HS3ST4: variants seen among roughly 807,000 people sequenced by gnomAD.
The protein encoded by HS3ST4 is heparan sulfate glucosamine 3-O-sulfotransferase 4.
In HS3ST4, 17 loss-of-function variants were observed where a neutral mutation model predicts 29.2. The ratio of observed to expected loss-of-function variants is 0.58; its 90% CI spans 0.40 to 0.87. HS3ST4 has a LOEUF of 0.87. Among genes scored for constraint, HS3ST4 ranks in the 40% least tolerant of loss-of-function variants. The probability of loss-of-function intolerance (pLI) is 0.00; values close to 1 mark genes in which losing one functional copy is unlikely to be tolerated. For synonymous variants in HS3ST4, 314 were observed against 285.7 expected (o/e 1.10, Z -1.00); for missense variants, 627 against 634.5 (o/e 0.99, Z 0.13).
intron 1 of HS3ST4, among the ~76,000 whole-genome samples, chr16:25,974,129 C>A (rs1968921362): frequency 6.6e-6 from 1 of 152,186 alleles, no homozygotes; most frequent in Admixed American, 6.5e-5. Flanking sequence ...TATACATTAT[C>A]CCTAGTTCTT....
chr16:25,790,610 G>A (rs1966867147), intron 1 of HS3ST4, among the ~76,000 whole-genome samples: 2 of 151,962 alleles, frequency 1.3e-5, no homozygotes, highest in South Asian at 4.2e-4. Context: ...ATATCATGTG[G>A]TTTTAATTTG....
intron 1 of HS3ST4, among the ~76,000 whole-genome samples, chr16:25,734,339 T>A (rs551334274): frequency 6.6e-6 from 1 of 152,138 alleles, no homozygotes; most frequent in Admixed American, 6.6e-5. Flanking sequence ...TCTGTACAGG[T>A]CTTCCAGCTT....
chr16:25,781,276 C>T (rs576789792), intron 1 of HS3ST4, among the ~76,000 whole-genome samples: 1 of 152,184 alleles, frequency 6.6e-6, no homozygotes, highest in African/African-American at 2.4e-5. Context: ...AAAGTAGGCT[C>T]TTTTGCTCAT....
chr16:25,989,968 T>C (rs1969100342), intron 1 of HS3ST4, among the ~76,000 whole-genome samples: 3 of 152,236 alleles, frequency 2.0e-5, no homozygotes, highest in Admixed American at 2.0e-4. Context: ...TAATGATATA[T>C]ACCTGCCATT....
intron 1 of HS3ST4, among the ~76,000 whole-genome samples, chr16:26,015,494 G>A (rs141186630): frequency 3.5e-4 from 54 of 152,240 alleles, no homozygotes; most frequent in African/African-American, 1.3e-3. Context: ...TTTTTATTGG[G>A]ACTTTTATTG....
chr16:26,054,861 C>A (rs568456621), intron 1 of HS3ST4, among the ~76,000 whole-genome samples: 113 of 152,066 alleles, frequency 7.4e-4, no homozygotes, highest in Non-Finnish European at 1.4e-3. Flanking sequence ...TTTCTGACTG[C>A]TCTTTACCTA....
chr16:25,953,571 A>G (rs1010271373), intron 1 of HS3ST4, among the ~76,000 whole-genome samples: 1 of 152,040 alleles, frequency 6.6e-6, no homozygotes, highest in Non-Finnish European at 1.5e-5. Flanking sequence ...ACCCCTTTTC[A>G]TTGCTTTCTC....
At chr16:26,059,702 T>G (rs1898452297) in intron 1 of HS3ST4, among the ~76,000 whole-genome samples, 1 of 152,224 alleles carries the variant, frequency 6.6e-6, no homozygotes, top group South Asian at 2.1e-4. Context: ...AGGATTAAAT[T>G]GGTTACTCCA....
intron 1 of HS3ST4, among the ~76,000 whole-genome samples, chr16:25,773,053 A>G (rs1966844312): frequency 6.6e-6 from 1 of 152,212 alleles, no homozygotes; most frequent in Non-Finnish European, 1.5e-5. Context: ...TGGATCAGAC[A>G]ACCATACATA....
intron 1 of HS3ST4, among the ~76,000 whole-genome samples, chr16:25,861,678 A>T (rs1967638900): frequency 6.6e-6 from 1 of 152,154 alleles, no homozygotes; most frequent in Non-Finnish European, 1.5e-5. Flanking sequence ...CAAATAACTC[A>T]ATCAAGACCA....
intron 1 of HS3ST4, among the ~76,000 whole-genome samples, chr16:26,095,534 T>G (rs1243623418): frequency 6.6e-6 from 1 of 152,090 alleles, no homozygotes; most frequent in Non-Finnish European, 1.5e-5. Flanking sequence ...AATAATGCAA[T>G]GAAGGTGGAA....
chr16:25,957,169 A>C (rs925549187), intron 1 of HS3ST4, among the ~76,000 whole-genome samples: 3 of 152,066 alleles, frequency 2.0e-5, no homozygotes, highest in Admixed American at 6.6e-5. Context: ...AGGGCTGGCC[A>C]CAGTTGCTCA....
chr16:26,019,329 A>G (rs1969389175), intron 1 of HS3ST4, among the ~76,000 whole-genome samples: 1 of 152,212 alleles, frequency 6.6e-6, no homozygotes, highest in African/African-American at 2.4e-5. Flanking sequence ...AAGTTCATTC[A>G]TTATGTATGC....
intron 1 of HS3ST4, among the ~76,000 whole-genome samples, chr16:26,098,582 CAG>C (rs1193770199): frequency 1.3e-5 from 2 of 152,098 alleles, no homozygotes; most frequent in South Asian, 2.1e-4. Flanking sequence ...CAGGGCCTGT[CAG>C]GGGGTGGCAG....
intron 1 of HS3ST4, among the ~76,000 whole-genome samples, chr16:26,038,382 A>G (rs769025432): frequency 3.9e-5 from 6 of 152,122 alleles, no homozygotes; most frequent in Non-Finnish European, 5.9e-5. Flanking sequence ...GTTGATTTGT[A>G]TACTGCCTAT....
chr16:25,846,506 C>G (rs1169622027), intron 1 of HS3ST4, among the ~76,000 whole-genome samples: 1 of 151,216 alleles, frequency 6.6e-6, no homozygotes, highest in Non-Finnish European at 1.5e-5. Flanking sequence ...TACACTCCAG[C>G]CTGGGCAACA....
chr16:25,996,712 T>C (rs978131936), intron 1 of HS3ST4, among the ~76,000 whole-genome samples: 3 of 152,200 alleles, frequency 2.0e-5, no homozygotes, highest in African/African-American at 7.2e-5. Flanking sequence ...TTTTCACTAC[T>C]ATTCTCTATT....
intron 1 of HS3ST4, among the ~76,000 whole-genome samples, chr16:25,827,875 T>A (rs1314510761): frequency 6.6e-6 from 1 of 152,182 alleles, no homozygotes; most frequent in African/African-American, 2.4e-5. Flanking sequence ...TGAGGAAGCT[T>A]GTCACAAGCT....
chr16:26,045,669 AT>A (rs567199423), intron 1 of HS3ST4, among the ~76,000 whole-genome samples: 9 of 152,082 alleles, frequency 5.9e-5, no homozygotes, highest in African/African-American at 2.2e-4. Flanking sequence ...TTGATGGCTG[AT>A]TTTTTTGGTA....
Sources: allele counts gnomAD v4.1 joint callset (sites outside exome capture counted in the v4.1 genomes callset), GRCh38; gene constraint gnomAD v4.1.1; transcripts MANE v1.5; gene names NCBI Gene and HGNC (gene_info 2026-07-23, HGNC 2026-07-21).